The following SLIT1 variants were observed in gnomAD, a reference collection of about 807,000 sequenced individuals.
SLIT1 encodes slit homolog 1 protein.
Under a neutral mutation model 186.1 loss-of-function variants are expected in SLIT1, and 66 were observed. The observed-to-expected ratio is 0.35, with a 90% CI of 0.29 to 0.44. SLIT1 has a LOEUF of 0.44. Ranked by LOEUF, SLIT1 falls within the 20% of genes least tolerant of loss-of-function variation. The probability of loss-of-function intolerance (pLI) is 1.00; values close to 1 mark genes in which losing one functional copy is unlikely to be tolerated. For missense variants in SLIT1, 1,638 were observed against 2,037.4 expected (o/e 0.80, Z 3.77); for synonymous variants, 761 against 833.8 (o/e 0.91, Z 1.50).
rs554627654 is a variant in SLIT1 at position 97,081,594 on chromosome 10, G to A, written c.414-15508C>T. Among the ~76,000 whole-genome samples the A allele has an allele frequency of 3.3e-5, 5 of 152,326 alleles. No individual in the cohort carries two copies. In the South Asian group the frequency reaches 1.0e-3, roughly 32 times the overall value. On this transcript the variant is annotated intron_variant, in intron 4 of 36. Transcript: ENST00000266058. ...GGGGCTGGAGGGATTGGAATAGCAA[G>A]AGGTCAGCTTCCCCAGGATATCTGC...
At chr10:97,165,933 G>A (rs1444717319) in intron 1 of SLIT1, among the ~76,000 whole-genome samples, 4 of 152,148 alleles carry the variant, frequency 2.6e-5, no homozygotes, top group East Asian at 1.9e-4. Context: ...TTCCAGGAGG[G>A]AGGCTCCCCC....
intron 4 of SLIT1, among the ~76,000 whole-genome samples, chr10:97,141,402 T>G (rs34795334): frequency 0.16 from 24,383 of 152,144 alleles, 2,534 homozygotes; most frequent in African/African-American, 0.29. Flanking sequence ...CCAGGCCCCT[T>G]GACTCTATCC....
At chr10:97,050,841 G>A (rs1848779933) in intron 13 of SLIT1, among the ~76,000 whole-genome samples, 1 of 152,144 alleles carries the variant, frequency 6.6e-6, no homozygotes, top group Admixed American at 6.5e-5. Flanking sequence ...CTAAAAACAG[G>A]CTGTGCCAGA....
intron 8 of SLIT1, among the ~76,000 whole-genome samples, chr10:97,062,812 A>G (rs1057395491): frequency 6.6e-6 from 1 of 152,262 alleles, no homozygotes; most frequent in Non-Finnish European, 1.5e-5. Flanking sequence ...GTACACGAGC[A>G]GTGACCTCCC....
intron 4 of SLIT1, among the ~76,000 whole-genome samples, chr10:97,106,978 G>C (rs1849421186): frequency 6.6e-6 from 1 of 152,244 alleles, no homozygotes; most frequent in Non-Finnish European, 1.5e-5. Context: ...AAGGCACACA[G>C]TAATCCTGGG....
intron 4 of SLIT1, among the ~76,000 whole-genome samples, chr10:97,127,142 A>C (rs550974026): frequency 1.2e-4 from 18 of 152,098 alleles, no homozygotes; most frequent in African/African-American, 4.3e-4. Flanking sequence ...AAAAACAAAA[A>C]AAATTAGCCG....
chr10:97,131,734 A>G (rs1024911428), intron 4 of SLIT1, among the ~76,000 whole-genome samples: 1 of 152,208 alleles, frequency 6.6e-6, no homozygotes, highest in Non-Finnish European at 1.5e-5. Flanking sequence ...TTAATGCCCC[A>G]TTTGTTTTCC....
At chr10:97,017,997 TG>T (rs1252099318) in intron 28 of SLIT1, among the ~76,000 whole-genome samples, 13 of 151,928 alleles carry the variant, frequency 8.6e-5, no homozygotes, top group Admixed American at 1.3e-4. Flanking sequence ...TACAGGCGCG[TG>T]CCACCACACC....
chr10:97,018,443 AC>A (rs1848473151), intron 28 of SLIT1, 142 bp downstream of exon 28: 1 of 579,406 alleles, frequency 1.7e-6, no homozygotes, highest in African/African-American at 1.9e-5. Flanking sequence ...GATTTGGAGT[AC>A]ATGCCTGCCC....
chr10:97,047,086 C>A (rs1234033442), intron 16 of SLIT1, 21 bp from the exon 17 acceptor site: 1 of 1,490,664 alleles, frequency 6.7e-7, no homozygotes, highest in South Asian at 1.1e-5. Flanking sequence ...CAAGAATGAA[C>A]TTGCACATTC....
intron 1 of SLIT1, among the ~76,000 whole-genome samples, chr10:97,166,233 G>T (rs940975930): frequency 6.6e-6 from 1 of 152,106 alleles, no homozygotes; most frequent in South Asian, 2.1e-4. Context: ...TGTTTGGTCC[G>T]GCCTGGTGTG....
At chr10:97,137,877 C>T (rs535165314) in intron 4 of SLIT1, among the ~76,000 whole-genome samples, 1 of 152,190 alleles carries the variant, frequency 6.6e-6, no homozygotes, top group Non-Finnish European at 1.5e-5. Context: ...CTGTGCTCAA[C>T]AATTTAGATT....
At chr10:97,089,408 C>T (rs1849204774) in intron 4 of SLIT1, among the ~76,000 whole-genome samples, 1 of 152,142 alleles carries the variant, frequency 6.6e-6, no homozygotes, top group African/African-American at 2.4e-5. Context: ...ATGAAAAGAA[C>T]GCAGCGTGGG....
intron 4 of SLIT1, among the ~76,000 whole-genome samples, chr10:97,130,178 G>C (rs1340300224): frequency 2.6e-5 from 4 of 152,162 alleles, no homozygotes; most frequent in Non-Finnish European, 4.4e-5. Flanking sequence ...GGGATTTACT[G>C]GTATTAAAAA....
chr10:97,054,050 T>G (rs867859122), intron 13 of SLIT1, among the ~76,000 whole-genome samples: 2 of 152,022 alleles, frequency 1.3e-5, no homozygotes, highest in South Asian at 4.2e-4. Context: ...TTTACTGGGC[T>G]GAGAGTTCTG....
At chr10:97,081,807 G>A (rs1367037159) in intron 4 of SLIT1, among the ~76,000 whole-genome samples, 1 of 152,198 alleles carries the variant, frequency 6.6e-6, no homozygotes, top group African/African-American at 2.4e-5. Flanking sequence ...GGAACCACAA[G>A]GAGTCGCTGT....
At position 97,043,247 on chromosome 10, in the gene SLIT1, C is replaced by G. The variant is rs907382282; in HGVS notation, c.1997+123G>C. 2 of 1,385,382 alleles carry G rather than the reference C, an allele frequency of 1.4e-6. No homozygotes were observed. The highest frequency in any genetic ancestry group is 2.0e-6 in the Non-Finnish European group (2 of 997,024). The allele number at this position is 1,385,382 out of a possible 1,614,324, so 85.8% of individuals were successfully genotyped here. On this transcript the variant is annotated intron_variant, in intron 19 of 36. Coordinates refer to ENST00000266058, the MANE Select transcript of SLIT1 (RefSeq NM_003061.3). This position sits in a 1 kb window ranked among gnomAD's most constrained non-coding sequence, Gnocchi z 7.0. ...GAGGGAGACTTCGAAATGTGGAACC[C>G]ACGTTTCAGCAAACCACGAAGACCC...
In SLIT1 at chr10:97,039,779, GGTGAC is replaced by G. The variant is rs576821769; in HGVS notation, c.2297+204_2297+208del. Among the ~76,000 whole-genome samples the G allele has an allele frequency of 1.7e-3, 259 of 152,358 alleles. 7 individuals are homozygous for G. Among genetic ancestry groups the G allele is most frequent in the Non-Finnish European group, 5.7e-4 (39 of 68,038 alleles). ...AGCACTCGCTGCCATGCGGTCATCA[GGTGAC>G]CGCAGAGGGAGAATCAGAGAGAAGC... On this transcript the variant is annotated intron_variant, in intron 21 of 36. Transcript: ENST00000266058.
At chr10:97,064,699 T>G (rs1848927603) in intron 6 of SLIT1, 106 bp downstream of exon 6, 1 of 761,782 alleles carries the variant, frequency 1.3e-6, no homozygotes, top group African/African-American at 1.7e-5. Context: ...GGAGGGCAGG[T>G]CTCTCCCTTC....
Sources: gnomAD v4.1 joint callset for allele counts (sites outside exome capture counted in the v4.1 genomes callset) on GRCh38, gnomAD v4.1.1 for gene constraint, Gnocchi (gnomAD v3.1) non-coding constraint, MANE v1.5 for transcripts, NCBI Gene and HGNC (gene_info 2026-07-23, HGNC 2026-07-21) for gene names.